FERRY3: variants seen among roughly 807,000 people sequenced by gnomAD.
The protein encoded by FERRY3 is protein C12orf4.
At chr12:4,514,006 G>C in the FERRY3 span, among the ~76,000 whole-genome samples, 1 of 150,590 alleles carries the variant, frequency 6.6e-6, no homozygotes, top group Non-Finnish European at 1.5e-5. Context: ...CTGACAAAGG[G>C]CTAATATCCA....
At chr12:4,495,795 C>T in the FERRY3 span, among the ~76,000 whole-genome samples, 17 of 152,090 alleles carry the variant, frequency 1.1e-4, no homozygotes, top group Non-Finnish European at 2.5e-4. Context: ...TGGTCTAGAG[C>T]AAGTATTTGT....
At chr12:4,500,119 G>GA in the FERRY3 span, 1 of 1,588,704 alleles carries the variant, frequency 6.3e-7, no homozygotes, top group Non-Finnish European at 8.6e-7. Flanking sequence ...AAAATTACAG[G>GA]ATTTTTCTAT....
the FERRY3 span, chr12:4,489,863 T>A: frequency 6.2e-7 from 1 of 1,611,112 alleles, no homozygotes; most frequent in Non-Finnish European, 8.5e-7. Context: ...TGGGGAAGCA[T>A]GTTACTAAGT....
the FERRY3 span, among the ~76,000 whole-genome samples, chr12:4,529,478 T>C: frequency 6.6e-6 from 1 of 152,146 alleles, no homozygotes; most frequent in African/African-American, 2.4e-5. Context: ...ACAAGTTACT[T>C]ATTTAAGCAA....
the FERRY3 span, among the ~76,000 whole-genome samples, chr12:4,495,700 C>T: frequency 2.0e-5 from 3 of 152,164 alleles, no homozygotes; most frequent in Non-Finnish European, 4.4e-5. Flanking sequence ...TAATGAAGTT[C>T]GTTGTCCCAC....
the FERRY3 span, among the ~76,000 whole-genome samples, chr12:4,516,816 T>C: frequency 6.6e-6 from 1 of 152,148 alleles, no homozygotes; most frequent in East Asian, 1.9e-4. Context: ...TTTACCTATG[T>C]AACAAACCTG....
chr12:4,498,172 G>C, the FERRY3 span, among the ~76,000 whole-genome samples: 1 of 152,190 alleles, frequency 6.6e-6, no homozygotes, highest in Non-Finnish European at 1.5e-5. Context: ...CAGATGTCTG[G>C]AAGAAAATCT....
the FERRY3 span, among the ~76,000 whole-genome samples, chr12:4,514,392 CT>C: frequency 6.6e-6 from 1 of 152,086 alleles, no homozygotes; most frequent in Non-Finnish European, 1.5e-5. Flanking sequence ...CATCCCATTA[CT>C]GGGTATATAC....
the FERRY3 span, among the ~76,000 whole-genome samples, chr12:4,523,332 A>G: frequency 6.6e-6 from 1 of 152,244 alleles, no homozygotes; most frequent in Admixed American, 6.5e-5. Context: ...ACACAAATGA[A>G]ATTGATTCTA....
the FERRY3 span, among the ~76,000 whole-genome samples, chr12:4,523,191 T>G: frequency 2.6e-5 from 4 of 152,182 alleles, no homozygotes; most frequent in African/African-American, 9.7e-5. Flanking sequence ...ATAGTTGTGT[T>G]GAAAAGAGAT....
At chr12:4,528,397 A>C in the FERRY3 span, among the ~76,000 whole-genome samples, 1 of 152,192 alleles carries the variant, frequency 6.6e-6, no homozygotes, top group Non-Finnish European at 1.5e-5. Context: ...TATGGGCTAC[A>C]TAATAAAGAA....
At chr12:4,533,424 C>G in the FERRY3 span, among the ~76,000 whole-genome samples, 1 of 152,196 alleles carries the variant, frequency 6.6e-6, no homozygotes, top group Non-Finnish European at 1.5e-5. Context: ...TCAGTGAAAT[C>G]TCATTTCCAC....
the FERRY3 span, among the ~76,000 whole-genome samples, chr12:4,524,244 G>T: frequency 6.6e-6 from 1 of 152,004 alleles, no homozygotes; most frequent in South Asian, 2.1e-4. Context: ...GATGCACCCT[G>T]ATTTTTTTCC....
chr12:4,529,566 T>C, the FERRY3 span, among the ~76,000 whole-genome samples: 1 of 152,236 alleles, frequency 6.6e-6, no homozygotes, highest in Non-Finnish European at 1.5e-5. Context: ...CCAAAGCAGT[T>C]TGCACAGTGC....
the FERRY3 span, among the ~76,000 whole-genome samples, chr12:4,531,196 C>T: frequency 0.1 from 15,675 of 152,236 alleles, 911 homozygotes; most frequent in Non-Finnish European, 0.12. Context: ...CCTAGAACTA[C>T]GATTTCATCT....
At chr12:4,494,532 T>C in the FERRY3 span, among the ~76,000 whole-genome samples, 13,688 of 152,308 alleles carry the variant, frequency 0.09, 729 homozygotes, top group Non-Finnish European at 0.12. Flanking sequence ...AGGGTTACGA[T>C]TGTCTTTTCT....
the FERRY3 span, among the ~76,000 whole-genome samples, chr12:4,526,901 T>A: frequency 1.3e-5 from 2 of 151,878 alleles, no homozygotes; most frequent in Non-Finnish European, 2.9e-5. Context: ...TATATATATA[T>A]GATAAATTAA....
the FERRY3 span, among the ~76,000 whole-genome samples, chr12:4,501,422 C>T: frequency 6.6e-6 from 1 of 152,104 alleles, no homozygotes; most frequent in African/African-American, 2.4e-5. Flanking sequence ...TGTTAGGAAC[C>T]GGGCTGCATA....
At chr12:4,512,936 A>C in the FERRY3 span, among the ~76,000 whole-genome samples, 1 of 43,422 alleles carries the variant, frequency 2.3e-5, no homozygotes, top group Non-Finnish European at 4.6e-5. Context: ...AATTAGGAAA[A>C]GAGGAAGTCA....
Sources: allele counts gnomAD v4.1 joint callset (sites outside exome capture counted in the v4.1 genomes callset), GRCh38; gene constraint gnomAD v4.1.1; transcripts MANE v1.5; gene names NCBI Gene and HGNC (gene_info 2026-07-23, HGNC 2026-07-21).